Variants in HS2ST1 observed in about 807,000 individuals in gnomAD.
HS2ST1 encodes the protein 2-O-sulfotransferase.
A neutral mutation model predicts 42.9 loss-of-function variants in HS2ST1; 18 were observed. The ratio of observed to expected loss-of-function variants is 0.42; its 90% CI spans 0.29 to 0.62. HS2ST1 has a LOEUF of 0.62. HS2ST1 is among the 20% of genes least tolerant of loss of function. The probability of loss-of-function intolerance (pLI) is 0.21; values close to 1 mark genes in which losing one functional copy is unlikely to be tolerated. For missense variants in HS2ST1, 334 were observed against 433.8 expected (o/e 0.77, Z 2.04); for synonymous variants, 146 against 152.9 (o/e 0.95, Z 0.33).
intron 1 of HS2ST1, among the ~76,000 whole-genome samples, chr1:87,019,904 A>T (rs979651821): frequency 6.6e-6 from 1 of 152,188 alleles, no homozygotes; most frequent in Admixed American, 6.5e-5. Context: ...AACAATAAAA[A>T]CTTTTTCTGA....
intron 1 of HS2ST1, among the ~76,000 whole-genome samples, chr1:86,949,608 C>T (rs754665966): frequency 2.7e-4 from 41 of 152,214 alleles, no homozygotes; most frequent in African/African-American, 7.5e-4. Context: ...TTACCCTGTC[C>T]GATACAGTAG....
chr1:87,093,546 C>A (rs1343633192), intron 4 of HS2ST1, among the ~76,000 whole-genome samples: 1 of 152,056 alleles, frequency 6.6e-6, no homozygotes, highest in East Asian at 1.9e-4. Context: ...TCATTCAAAG[C>A]TCTCTTTTAA....
At chr1:86,962,897 A>T (rs772207459) in intron 1 of HS2ST1, among the ~76,000 whole-genome samples, 3 of 152,250 alleles carry the variant, frequency 2.0e-5, no homozygotes, top group Non-Finnish European at 4.4e-5. Flanking sequence ...AGTAAGTTCC[A>T]TAAGTGAAAA....
In HS2ST1 at chr1:86,914,803, G is replaced by A; in HGVS notation, c.-234G>A. The A allele has an allele frequency of 1.8e-6, 1 of 561,342 alleles. No homozygotes were observed. Among genetic ancestry groups the A allele is most frequent in the East Asian group, 3.2e-5 (1 of 31,354 alleles). 34.8% of individuals were successfully genotyped at this position (561,342 alleles called of 1,614,324 possible). ...GCGCTGTTTGCTGCGCGGGCTTTTG[G>A]AGGGGGCGGCCGTTTAGTCGGCTGA... On this transcript the variant is annotated 5_prime_UTR_variant, in exon 1 of 7. Transcript: ENST00000370550.
chr1:87,005,404 CATT>C (rs1410159624), intron 1 of HS2ST1, among the ~76,000 whole-genome samples: 3 of 151,238 alleles, frequency 2.0e-5, no homozygotes, highest in African/African-American at 7.4e-5. Context: ...ACTCTTAAAT[CATT>C]ATATTAAATT....
intron 1 of HS2ST1, among the ~76,000 whole-genome samples, chr1:87,059,151 A>G (rs1285522074): frequency 6.6e-6 from 1 of 152,212 alleles, no homozygotes; most frequent in Non-Finnish European, 1.5e-5. Context: ...ATAATTATAT[A>G]CCTATTGGCA....
chr1:86,967,432 T>C (rs1648081735), intron 1 of HS2ST1, among the ~76,000 whole-genome samples: 1 of 152,132 alleles, frequency 6.6e-6, no homozygotes, highest in South Asian at 2.1e-4. Flanking sequence ...ATGTAGTCTT[T>C]TATTCCACAT....
At chr1:87,018,358 C>G (rs917157629) in intron 1 of HS2ST1, among the ~76,000 whole-genome samples, 2 of 152,190 alleles carry the variant, frequency 1.3e-5, no homozygotes, top group South Asian at 4.1e-4. Context: ...TGCAGCTTCC[C>G]TGGCTCCTAA....
At chr1:86,965,958 C>T (rs1050689303) in intron 1 of HS2ST1, among the ~76,000 whole-genome samples, 1 of 152,176 alleles carries the variant, frequency 6.6e-6, no homozygotes, top group Non-Finnish European at 1.5e-5. Context: ...GTTTGGTTTT[C>T]TGTTTCTCAA....
intron 1 of HS2ST1, among the ~76,000 whole-genome samples, chr1:86,948,674 G>A (rs184700300): frequency 1.3e-5 from 2 of 152,254 alleles, no homozygotes; most frequent in East Asian, 3.9e-4. Context: ...AATTAGAATA[G>A]TAAAGGTGTT....
At chr1:87,002,820 G>A (rs1649330931) in intron 1 of HS2ST1, among the ~76,000 whole-genome samples, 1 of 151,966 alleles carries the variant, frequency 6.6e-6, no homozygotes, top group Admixed American at 6.6e-5. Flanking sequence ...GGACGTTTTG[G>A]GAGTCATCTA....
intron 1 of HS2ST1, among the ~76,000 whole-genome samples, chr1:86,951,931 A>G (rs894052762): frequency 2.0e-5 from 3 of 152,204 alleles, no homozygotes; most frequent in African/African-American, 7.2e-5. Flanking sequence ...CATTTGTTCA[A>G]GTTTTGTCAT....
intron 1 of HS2ST1, among the ~76,000 whole-genome samples, chr1:87,039,645 A>T (rs1244741800): frequency 1.3e-5 from 2 of 152,188 alleles, no homozygotes; most frequent in African/African-American, 4.8e-5. Context: ...CAGTTCAGTA[A>T]TCTATTCAGT....
At chr1:87,069,911 A>C (rs1054041937) in intron 1 of HS2ST1, among the ~76,000 whole-genome samples, 16 of 152,342 alleles carry the variant, frequency 1.1e-4, no homozygotes, top group African/African-American at 3.6e-4. Context: ...TTGATGAGGT[A>C]ATTTTAAAAC....
intron 1 of HS2ST1, among the ~76,000 whole-genome samples, chr1:87,008,728 C>G (rs1390803982): frequency 6.6e-6 from 1 of 152,226 alleles, no homozygotes; most frequent in Non-Finnish European, 1.5e-5. Context: ...GAAGGTTTCA[C>G]AAGCCCCATT....
chr1:87,074,029 A>G (rs1480171290), intron 2 of HS2ST1, among the ~76,000 whole-genome samples: 1 of 152,202 alleles, frequency 6.6e-6, no homozygotes, highest in Admixed American at 6.5e-5. Context: ...TCATCTCACT[A>G]TTTAGCATAA....
chr1:87,023,483 G>A (rs1313394976), intron 1 of HS2ST1, among the ~76,000 whole-genome samples: 1 of 147,650 alleles, frequency 6.8e-6, no homozygotes, highest in African/African-American at 2.5e-5. Flanking sequence ...AAAAAAGTAG[G>A]GTTTAGAATA....
At chr1:87,063,906 C>T (rs544230471) in intron 1 of HS2ST1, among the ~76,000 whole-genome samples, 77 of 152,154 alleles carry the variant, frequency 5.1e-4, no homozygotes, top group Non-Finnish European at 9.6e-4. Context: ...TTATAAGACT[C>T]TGGGTCTAAT....
chr1:87,002,254 T>G (rs1649311724), intron 1 of HS2ST1, among the ~76,000 whole-genome samples: 2 of 152,184 alleles, frequency 1.3e-5, no homozygotes, highest in Non-Finnish European at 2.9e-5. Flanking sequence ...CTAAATTTTT[T>G]GGTAGGTGAG....
Sources: gnomAD v4.1 joint callset for allele counts (sites outside exome capture counted in the v4.1 genomes callset) on GRCh38, gnomAD v4.1.1 for gene constraint, MANE v1.5 for transcripts, NCBI Gene and HGNC (gene_info 2026-07-23, HGNC 2026-07-21) for gene names.